HNRNPAB: variants seen among roughly 807,000 people sequenced by gnomAD.
The protein encoded by HNRNPAB is heterogeneous nuclear ribonucleoprotein A/B, also known as ABBP-1.
Under a neutral mutation model 44.1 loss-of-function variants are expected in HNRNPAB, and 17 were observed. The observed-to-expected ratio is 0.39, with a 90% CI of 0.26 to 0.58. The LOEUF is 0.58. Among genes scored for constraint, HNRNPAB ranks in the 20% least tolerant of loss-of-function variants. The probability of loss-of-function intolerance (pLI) is 0.63; values close to 1 mark genes in which losing one functional copy is unlikely to be tolerated. For synonymous variants in HNRNPAB, 183 were observed against 167.6 expected, an observed-to-expected ratio of 1.09 and a Z score of -0.71; for missense variants, 393 against 432.7, an observed-to-expected ratio of 0.91 and a Z score of 0.81.
Position 178,210,119 on chromosome 5 carries a change from G to A in HNRNPAB, c.788-13G>A. ...AATGGTCCACGGGCCCCTGTGCCCT[G>A]CTCCCCCCACAGGTCAGAGTCAGAG... On this transcript the variant is annotated splice_polypyrimidine_tract_variant and intron_variant, in intron 6 of 7. Coordinates refer to ENST00000358344, the MANE Select transcript of HNRNPAB (RefSeq NM_031266.3). 1 of 1,613,884 alleles carries A rather than the reference G, an allele frequency of 6.2e-7. No homozygotes were observed. Among genetic ancestry groups the A allele is most frequent in the Non-Finnish European group, 8.5e-7 (1 of 1,179,930 alleles).
At chr5:178,207,275 C>T (rs1433935277) in intron 5 of HNRNPAB, 50 bp downstream of exon 5, 16 of 1,605,730 alleles carry the variant, frequency 1.0e-5, no homozygotes, top group African/African-American at 1.3e-5. Context: ...GGAGAGCTGG[C>T]CCTTAGAGGG....
chr5:178,207,691 C>CTTTTTTT (rs34424574), intron 5 of HNRNPAB, among the ~76,000 whole-genome samples: 36 of 78,754 alleles, frequency 4.6e-4, no homozygotes, highest in African/African-American at 1.0e-3. Flanking sequence ...ACTTTGAGCA[C>CTTTTTTT]TTTTTTTTTT....
chr5:178,206,872 C>G lies in HNRNPAB; in HGVS notation c.519C>G (p.Tyr173Ter), dbSNP rs1235543854. 1 of 1,614,144 alleles carries G rather than the reference C, an allele frequency of 6.2e-7. No individual in the cohort carries two copies. The highest frequency in any genetic ancestry group is 1.1e-5 in the South Asian group (1 of 91,078). The change falls in exon 4 of 8, where the codon TAC becomes TAG. Residue 173 changes from tyrosine (Y) to a stop codon, truncating the protein, a stop_gained. Transcript: ENST00000358344. LOFTEE classifies it high-confidence loss of function. ...PEATEEKIRE[Y>*]FGEFGEIEAI... Reference sequence around the variant, plus strand: ...CCACTGAGGAAAAGATCAGGGAGTACTTTGGCGAGTTTGGGGAGGTGAGTG... The same window carrying G: ...CCACTGAGGAAAAGATCAGGGAGTAGTTTGGCGAGTTTGGGGAGGTGAGTG...
At chr5:178,208,239 G>C (rs1474088164) in intron 5 of HNRNPAB, among the ~76,000 whole-genome samples, 1 of 152,242 alleles carries the variant, frequency 6.6e-6, no homozygotes, top group Non-Finnish European at 1.5e-5. Context: ...TTGGCAGCCA[G>C]ATAAGGTGGG....
In HNRNPAB at chr5:178,210,768, C is replaced by G; in HGVS notation, c.*145C>G. ...TTTAAAATTTCCCCCATGGAAATCA[C>G]TCTCCTGTTGACTATTTCCAGAGCT... On this transcript the variant is annotated 3_prime_UTR_variant, in exon 8 of 8. Transcript: ENST00000358344. 1 of 684,520 alleles carries G rather than the reference C, an allele frequency of 1.5e-6. No individual in the cohort carries two copies. The highest frequency in any genetic ancestry group is 2.6e-6 in the Non-Finnish European group (1 of 382,630). 42.4% of individuals were successfully genotyped at this position (684,520 alleles called of 1,614,324 possible). A position where few individuals can be genotyped will look rare whatever the true frequency, so the allele number is the denominator to read the frequency against.
intron 4 of HNRNPAB, 21 bp downstream of exon 4, chr5:178,206,911 A>G (rs1757087192): frequency 6.2e-7 from 1 of 1,613,354 alleles, no homozygotes; most frequent in East Asian, 2.2e-5. Flanking sequence ...CTCTGGGAAT[A>G]GCCCATCAGC....
At position 178,204,728 on chromosome 5, in the gene HNRNPAB, C is replaced by A; in HGVS notation, c.-36C>A. 3.4e-6 allele frequency: 2 copies of A among 594,782 alleles called. No individual in the cohort carries two copies. The highest frequency in any genetic ancestry group is 8.4e-5 in the South Asian group (1 of 11,938). The allele number at this position is 594,782 out of a possible 1,614,324, so 36.8% of individuals were successfully genotyped here. A position where few individuals can be genotyped will look rare whatever the true frequency, so the allele number is the denominator to read the frequency against. On this transcript the variant is annotated 5_prime_UTR_variant, in exon 1 of 8. Coordinates refer to ENST00000358344, the MANE Select transcript of HNRNPAB (RefSeq NM_031266.3). ...TGGGGACGAGCGGGCCCCGCGGCGT[C>A]ATCGGCGGCGAGGTGAGCGGCGGCC...
chr5:178,209,752 G>A (rs1757612296), intron 6 of HNRNPAB, among the ~76,000 whole-genome samples: 5 of 152,122 alleles, frequency 3.3e-5, no homozygotes, highest in Admixed American at 3.3e-4. Context: ...CTGTGAGCAG[G>A]TAGGCAGAAG....
rs1267061273 is a variant in HNRNPAB at position 178,204,966 on chromosome 5, G to C, written c.129G>C (p.Ala43=). Residue 43 remains alanine (A), a synonymous_variant, in exon 2 of 8, where the codon GCG becomes GCC. Transcript: ENST00000358344. ...GTGAAAGAGG[A]TAAPPSGNQN... ...GCGCCGCGGCGGGGGCTGGAGGCGC[G>C]ACCGCGGCGCCCCCGAGCGGGAATC... 1.7e-5 allele frequency: 21 copies of C among 1,209,926 alleles called. No individual in the cohort carries two copies. The highest frequency in any genetic ancestry group is 1.7e-4 in the South Asian group (4 of 24,144). The allele number at this position is 1,209,926 out of a possible 1,614,324, so 74.9% of individuals were successfully genotyped here. A position where few individuals can be genotyped will look rare whatever the true frequency, so the allele number is the denominator to read the frequency against.
At position 178,204,615 on chromosome 5, in the gene HNRNPAB, G is replaced by A. The variant is rs1006510542; in HGVS notation, c.-149G>A. 2.9e-5 allele frequency: 8 copies of A among 276,836 alleles called. No homozygotes were observed. The highest frequency in any genetic ancestry group is 1.1e-4 in the African/African-American group (5 of 44,512). The allele number at this position is 276,836 out of a possible 1,614,324, so 17.1% of individuals were successfully genotyped here. On this transcript the variant is annotated 5_prime_UTR_variant, in exon 1 of 8. Coordinates refer to ENST00000358344, the MANE Select transcript of HNRNPAB (RefSeq NM_031266.3). ...CGGCGGCCAAGGAGGAGGAGACACA[G>A]TTGGAGCAGCTCCGTGGGCTGACTG...
intron 3 of HNRNPAB, 85 bp downstream of exon 3, chr5:178,206,095 G>A: frequency 7.4e-7 from 1 of 1,346,134 alleles, no homozygotes; most frequent in Non-Finnish European, 1.0e-6. Flanking sequence ...TGACTAGTTT[G>A]TGTGGTCTGC....
chr5:178,209,023 G>C, intron 5 of HNRNPAB: 1 of 338,780 alleles, frequency 3.0e-6, no homozygotes, highest in Non-Finnish European at 5.6e-6. Context: ...CCTGGTCCCA[G>C]CCTGTCCTCT....
At chr5:178,207,042 A>G (rs969745598) in intron 4 of HNRNPAB, 52 bp from the exon 5 acceptor site, 40 of 1,607,716 alleles carry the variant, frequency 2.5e-5, no homozygotes, top group East Asian at 8.9e-5. Flanking sequence ...AGTCCCCTAT[A>G]TGCTCTGGGG....
At chr5:178,207,356 A>G (rs1404989534) in intron 5 of HNRNPAB, 131 bp downstream of exon 5, 2 of 1,069,378 alleles carry the variant, frequency 1.9e-6, no homozygotes, top group East Asian at 2.4e-5. Flanking sequence ...TCTGAAGCGT[A>G]TGCTGCCCTG....
At chr5:178,207,398 T>C (rs931560136) in intron 5 of HNRNPAB, among the ~76,000 whole-genome samples, 173 bp downstream of exon 5, 1 of 152,108 alleles carries the variant, frequency 6.6e-6, no homozygotes, top group Non-Finnish European at 1.5e-5. Context: ...TTGAAAGACT[T>C]CTCAGGCTGG....
At chr5:178,207,353 C>A in intron 5 of HNRNPAB, 128 bp downstream of exon 5, 1 of 1,091,490 alleles carries the variant, frequency 9.2e-7, no homozygotes, top group Non-Finnish European at 1.3e-6. Flanking sequence ...TTCTCTGAAG[C>A]GTATGCTGCC....
At chr5:178,205,784 C>A in intron 2 of HNRNPAB, 58 bp from the exon 3 acceptor site, 2 of 1,566,570 alleles carry the variant, frequency 1.3e-6, no homozygotes, top group Non-Finnish European at 1.7e-6. Flanking sequence ...CCAGTCCTTT[C>A]CAAAATCACA....
chr5:178,204,859 C>G lies in HNRNPAB; in HGVS notation c.22C>G (p.Gln8Glu). The G allele has an allele frequency of 8.2e-7, 1 of 1,217,650 alleles. No homozygotes were observed. The highest frequency in any genetic ancestry group is 3.9e-5 in the South Asian group (1 of 25,504). The allele number at this position is 1,217,650 out of a possible 1,614,324, so 75.4% of individuals were successfully genotyped here. Residue 8 changes from glutamine (Q) to glutamate (E), a missense_variant, in exon 2 of 8, where the codon CAG becomes GAG. Around this residue, in one of 3 missense-constraint regions of HNRNPAB, gnomAD observed 81 missense variants for 73.4 expected, o/e 1.10. Coordinates refer to ENST00000358344, the MANE Select transcript of HNRNPAB (RefSeq NM_031266.3). MSEAGEE[Q>E]PMETTGATEN... Reference sequence around the variant, plus strand: ...TAGCATGTCGGAAGCGGGCGAGGAGCAGCCCATGGAGACGACGGGCGCCAC... The same window carrying G: ...TAGCATGTCGGAAGCGGGCGAGGAGGAGCCCATGGAGACGACGGGCGCCAC...
intron 5 of HNRNPAB, chr5:178,208,524 G>A (rs1369138475): frequency 6.6e-6 from 1 of 152,172 alleles, no homozygotes; most frequent in African/African-American, 2.4e-5. Flanking sequence ...TTTTAATTTA[G>A]TAGGATAGAA....
Sources: gnomAD v4.1 joint callset for allele counts (sites outside exome capture counted in the v4.1 genomes callset) on GRCh38, gnomAD v4.1.1 for gene constraint, gnomAD v4.1.1 regional missense constraint, MANE v1.5 for transcripts, NCBI Gene and HGNC (gene_info 2026-07-23, HGNC 2026-07-21) for gene names.